The following PIGU variants were observed in gnomAD, a reference collection of about 807,000 sequenced individuals.
PIGU encodes the protein phosphatidylinositol glycan anchor biosynthesis class U, also known as GPI-anchor transamidase component PIGU.
Under a neutral mutation model 49.9 loss-of-function variants are expected in PIGU, and 24 were observed. That is an observed-to-expected ratio of 0.48 (90% CI 0.35 to 0.68). PIGU has a LOEUF of 0.68. Ranked by LOEUF, PIGU falls within the 30% of genes least tolerant of loss-of-function variation. The pLI is 0.01. For missense variants in PIGU, 490 were observed against 532.6 expected, an observed-to-expected ratio of 0.92 and a Z score of 0.79; for synonymous variants, 220 against 205.7, an observed-to-expected ratio of 1.07 and a Z score of -0.59.
At chr20:34,644,816 G>A (rs1258337566) in intron 3 of PIGU, among the ~76,000 whole-genome samples, 5 of 152,030 alleles carry the variant, frequency 3.3e-5, no homozygotes, top group African/African-American at 7.3e-5. Context: ...CCTCCACGCC[G>A]GCTTCACAAT....
Position 34,560,881 on chromosome 20 carries a change from C to T in PIGU, c.1293G>A (p.Met431Ile). The T allele has an allele frequency of 6.2e-7, 1 of 1,608,760 alleles. No individual in the cohort carries two copies. The highest frequency in any genetic ancestry group is 8.5e-7 in the Non-Finnish European group (1 of 1,176,440). The change falls in exon 12 of 12, where the codon ATG becomes ATA. Residue 431 changes from methionine (M) to isoleucine (I), a missense_variant. Coordinates refer to ENST00000217446, the MANE Select transcript of PIGU (RefSeq NM_080476.5). ...CCAGCCAGGCCTACTTGAGCACGAG[C>T]ATGGCCTCTGTGCCATCCTTGGCGG... ...YLTAKDGTEA[M>I]LVLK
At chr20:34,640,750 G>A (rs1389425092) in intron 4 of PIGU, among the ~76,000 whole-genome samples, 1 of 152,100 alleles carries the variant, frequency 6.6e-6, no homozygotes, top group East Asian at 1.9e-4. Context: ...CCATATGTAA[G>A]TTATATTAAA....
chr20:34,639,903 G>A (rs1025298273), intron 4 of PIGU, among the ~76,000 whole-genome samples: 1 of 152,110 alleles, frequency 6.6e-6, no homozygotes, highest in African/African-American at 2.4e-5. Flanking sequence ...ACAGAGAAGG[G>A]GGCTGGCTCA....
At chr20:34,562,217 C>T (rs767997800) in intron 11 of PIGU, among the ~76,000 whole-genome samples, 3 of 152,208 alleles carry the variant, frequency 2.0e-5, no homozygotes, top group Non-Finnish European at 2.9e-5. Context: ...GCAGGTTGGG[C>T]AGGGCCCAGC....
chr20:34,642,652 CATATATATATAT>C (rs10639203), intron 4 of PIGU, among the ~76,000 whole-genome samples: 2 of 131,434 alleles, frequency 1.5e-5, no homozygotes, highest in Admixed American at 8.1e-5. Context: ...ATATATATCT[CATATATATATAT>C]ATATATATAT....
chr20:34,658,338 C>A (rs1054911410), intron 1 of PIGU, among the ~76,000 whole-genome samples: 5 of 152,182 alleles, frequency 3.3e-5, no homozygotes, highest in East Asian at 3.9e-4. Context: ...GATCTCGGCT[C>A]GCTACAACCT....
intron 1 of PIGU, among the ~76,000 whole-genome samples, chr20:34,662,066 G>A (rs1986943024): frequency 6.6e-6 from 1 of 151,874 alleles, no homozygotes; most frequent in Non-Finnish European, 1.5e-5. Context: ...TTCATGTCCT[G>A]TGCCCCCCCG....
intron 2 of PIGU, among the ~76,000 whole-genome samples, chr20:34,647,845 C>T (rs1189282864): frequency 2.6e-5 from 4 of 152,156 alleles, no homozygotes; most frequent in Admixed American, 1.3e-4. Flanking sequence ...ATGGTTGCAT[C>T]ATTCTATATA....
intron 1 of PIGU, 97 bp downstream of exon 1, chr20:34,676,859 G>A: frequency 1.3e-6 from 2 of 1,516,534 alleles, no homozygotes. Flanking sequence ...AGTTCTCTAG[G>A]AACCGCGCGC....
chr20:34,562,213 T>G (rs1395625405), intron 11 of PIGU, among the ~76,000 whole-genome samples: 2 of 152,224 alleles, frequency 1.3e-5, no homozygotes, highest in Non-Finnish European at 2.9e-5. Context: ...TGGAGCAGGT[T>G]GGGCAGGGCC....
chr20:34,617,800 G>GA (rs1447092772), intron 6 of PIGU, among the ~76,000 whole-genome samples: 3 of 152,156 alleles, frequency 2.0e-5, no homozygotes, highest in Non-Finnish European at 4.4e-5. Context: ...ATCTCAACTT[G>GA]AATTGTATCT....
chr20:34,580,627 G>A (rs1983418627), intron 10 of PIGU, among the ~76,000 whole-genome samples: 1 of 152,236 alleles, frequency 6.6e-6, no homozygotes, highest in African/African-American at 2.4e-5. Context: ...TAGAGAATCA[G>A]GTGGTGCTGG....
At chr20:34,664,420 C>T (rs1374441763) in intron 1 of PIGU, among the ~76,000 whole-genome samples, 7 of 152,188 alleles carry the variant, frequency 4.6e-5, no homozygotes, top group Non-Finnish European at 8.8e-5. Context: ...AACAGTTGAC[C>T]GGGCACAGTG....
chr20:34,561,027 A>G (rs753835442), intron 11 of PIGU, 48 bp from the exon 12 acceptor site: 2 of 1,348,056 alleles, frequency 1.5e-6, no homozygotes, highest in Non-Finnish European at 2.1e-6. Context: ...CCTCCCCCTA[A>G]ACCCAGGATC....
intron 11 of PIGU, among the ~76,000 whole-genome samples, chr20:34,565,908 C>T (rs1405777805): frequency 6.6e-6 from 1 of 151,968 alleles, no homozygotes; most frequent in Non-Finnish European, 1.5e-5. Flanking sequence ...TGCTTGCACA[C>T]ACACATGCTC....
intron 7 of PIGU, among the ~76,000 whole-genome samples, chr20:34,612,990 T>C (rs1984878444): frequency 6.6e-6 from 1 of 152,146 alleles, no homozygotes; most frequent in Admixed American, 6.6e-5. Context: ...ATAAAAAATA[T>C]ACAAATATAG....
chr20:34,590,811 A>G (rs1203490740), intron 7 of PIGU, among the ~76,000 whole-genome samples: 1 of 152,072 alleles, frequency 6.6e-6, no homozygotes, highest in Non-Finnish European at 1.5e-5. Context: ...TCATGAGGTC[A>G]GGAGATCGAG....
At chr20:34,657,406 ACT>A (rs1986737013) in intron 1 of PIGU, among the ~76,000 whole-genome samples, 162 bp from the exon 2 acceptor site, 1 of 151,930 alleles carries the variant, frequency 6.6e-6, no homozygotes, top group Non-Finnish European at 1.5e-5. Context: ...ATGACGGGAA[ACT>A]CTCTTTCATG....
intron 1 of PIGU, among the ~76,000 whole-genome samples, chr20:34,664,436 C>T (rs1275175210): frequency 6.6e-6 from 1 of 152,228 alleles, no homozygotes; most frequent in African/African-American, 2.4e-5. Context: ...CAGTGGCTCA[C>T]GCCTGTAATC....
Sources: gnomAD v4.1 joint callset for allele counts (sites outside exome capture counted in the v4.1 genomes callset) on GRCh38, gnomAD v4.1.1 for gene constraint, MANE v1.5 for transcripts, NCBI Gene and HGNC (gene_info 2026-07-23, HGNC 2026-07-21) for gene names.